The following DSCAM variants were observed in gnomAD, a reference collection of about 807,000 sequenced individuals.
DSCAM encodes cell adhesion molecule DSCAM.
Under a neutral mutation model 217.7 loss-of-function variants are expected in DSCAM, and 47 were observed. The ratio of observed to expected loss-of-function variants is 0.22; its 90% confidence interval spans 0.17 to 0.28. The LOEUF (loss-of-function observed/expected upper bound fraction) is 0.28, where lower values mean the gene tolerates loss of function less well. DSCAM is among the 10% of genes least tolerant of loss of function. The pLI is 1.00. For missense variants in DSCAM, 2,080 were observed against 2,618.3 expected (o/e 0.79, Z 4.49); for synonymous variants, 1,056 against 1,015.3 (o/e 1.04, Z -0.76).
intron 3 of DSCAM, among the ~76,000 whole-genome samples, chr21:40,449,389 A>T (rs1185060708): frequency 1.3e-5 from 2 of 152,184 alleles, no homozygotes; most frequent in Non-Finnish European, 2.9e-5. Flanking sequence ...CACCTGTAAG[A>T]GCTGTACATC....
chr21:40,403,629 G>GCGCGCACACACA (rs374617687), intron 3 of DSCAM, among the ~76,000 whole-genome samples: 1 of 145,788 alleles, frequency 6.9e-6, no homozygotes, highest in African/African-American at 2.6e-5. Context: ...GCATGCATGT[G>GCGCGCACACACA]CACACACACA....
intron 20 of DSCAM, among the ~76,000 whole-genome samples, chr21:40,118,961 C>T (rs112616853): frequency 0.018 from 2,769 of 152,222 alleles, 43 homozygotes; most frequent in Non-Finnish European, 0.029. Context: ...GATTCTGGCT[C>T]GTGATTTGTG....
chr21:40,394,375 A>C (rs2075160227), intron 3 of DSCAM, among the ~76,000 whole-genome samples: 2 of 152,232 alleles, frequency 1.3e-5, no homozygotes, highest in Non-Finnish European at 2.9e-5. Context: ...CTGACTCCCA[A>C]TGCCACATTC....
chr21:40,643,553 C>T (rs1424476101), intron 3 of DSCAM, among the ~76,000 whole-genome samples: 1 of 152,178 alleles, frequency 6.6e-6, no homozygotes, highest in Non-Finnish European at 1.5e-5. Flanking sequence ...AGAGGTTCAA[C>T]TAATTTGGGA....
chr21:40,169,610 C>T (rs964573105), intron 15 of DSCAM, among the ~76,000 whole-genome samples: 8 of 152,082 alleles, frequency 5.3e-5, no homozygotes, highest in East Asian at 1.9e-4. Context: ...TGCCAAGAAA[C>T]GAAGCCGATT....
chr21:40,819,618 T>C (rs1344707730), intron 1 of DSCAM, among the ~76,000 whole-genome samples: 1 of 152,236 alleles, frequency 6.6e-6, no homozygotes, highest in Non-Finnish European at 1.5e-5. Flanking sequence ...GGCCAAGCTG[T>C]TGTGATAAAT....
rs114107246 is a variant in DSCAM at position 40,107,674 on chromosome 21, C to T, written c.3697-13800G>A. On this transcript the variant is annotated intron_variant, in intron 20 of 32. Coordinates refer to ENST00000400454, the MANE Select transcript of DSCAM (RefSeq NM_001389.5). ...GGTCTCTAAGAACTTGCTTTATGAACCTGGGTGCTCCCGTGTTGGATGTAT... is the reference window on the plus strand; with the variant it reads ...GGTCTCTAAGAACTTGCTTTATGAATCTGGGTGCTCCCGTGTTGGATGTAT... 8.9e-3 allele frequency among the ~76,000 whole-genome samples: 1,353 copies of T among 152,130 alleles called. 19 individuals are homozygous for T. Among genetic ancestry groups the T allele is most frequent in the African/African-American group, 0.031 (1,286 of 41,482 alleles).
At chr21:40,220,625 T>C (rs1411670739) in intron 11 of DSCAM, among the ~76,000 whole-genome samples, 1 of 152,222 alleles carries the variant, frequency 6.6e-6, no homozygotes, top group Admixed American at 6.5e-5. Context: ...TAATCTTTAA[T>C]AAAAAGTCTC....
At chr21:40,493,863 C>A (rs968337248) in intron 3 of DSCAM, among the ~76,000 whole-genome samples, 40 of 125,390 alleles carry the variant, frequency 3.2e-4, no homozygotes, top group East Asian at 7.5e-4. Context: ...AACTCCATCT[C>A]AAAAAAAAAA....
At chr21:40,520,346 G>C (rs2076348977) in intron 3 of DSCAM, among the ~76,000 whole-genome samples, 1 of 152,156 alleles carries the variant, frequency 6.6e-6, no homozygotes, top group African/African-American at 2.4e-5. Flanking sequence ...GTTAAGAGGA[G>C]CAGGATTCAA....
intron 3 of DSCAM, among the ~76,000 whole-genome samples, chr21:40,409,563 CCT>C (rs1265158640): frequency 1.3e-5 from 2 of 152,098 alleles, no homozygotes; most frequent in African/African-American, 2.4e-5. Flanking sequence ...AGGGCCCACC[CCT>C]GTCTTTTATT....
At chr21:40,110,893 C>T (rs1350976363) in intron 20 of DSCAM, among the ~76,000 whole-genome samples, 2 of 152,300 alleles carry the variant, frequency 1.3e-5, no homozygotes, top group East Asian at 3.9e-4. Flanking sequence ...TGAACAAAGC[C>T]TCCAAGAAAT....
In DSCAM at chr21:40,846,646, G is replaced by C; in HGVS notation, c.16C>G (p.Leu6Val). The stretch of plus-strand genomic sequence containing the variant: ...TTCGCGAAGCTCTGGAACAAGGAGA[G>C]AGCCAGTATCCACATGCCCCTGCCG... MWILA[L>V]SLFQSFANVF... Residue 6 changes from leucine to valine, a missense_variant, in exon 1 of 33, where the codon CTC becomes GTC. By Grantham distance (32) the Leu-to-Val change is conservative. This residue lies in a region of DSCAM where 568 missense variants were observed against 678.1 expected (regional missense o/e 0.84). Transcript: ENST00000400454. 7.7e-7 allele frequency: 1 copy of C among 1,304,182 alleles called. No individual in the cohort carries two copies. The highest frequency in any genetic ancestry group is 9.8e-7 in the Non-Finnish European group (1 of 1,021,516). The allele number at this position is 1,304,182 out of a possible 1,614,324, so 80.8% of individuals were successfully genotyped here.
chr21:40,509,518 C>T (rs2076241635), intron 3 of DSCAM, among the ~76,000 whole-genome samples: 1 of 152,200 alleles, frequency 6.6e-6, no homozygotes, highest in Non-Finnish European at 1.5e-5. Context: ...GGGCCTGAGC[C>T]TGGTTTTCCA....
At chr21:40,776,914 A>AT (rs1181923868) in intron 1 of DSCAM, among the ~76,000 whole-genome samples, 1 of 152,240 alleles carries the variant, frequency 6.6e-6, no homozygotes, top group African/African-American at 2.4e-5. Context: ...AAGAGGGAAA[A>AT]TCATTATGGC....
intron 3 of DSCAM, among the ~76,000 whole-genome samples, chr21:40,676,680 C>G (rs1308026545): frequency 6.6e-6 from 1 of 151,982 alleles, no homozygotes. Context: ...ATGGAAAGTT[C>G]GAACACAGAA....
intron 28 of DSCAM, among the ~76,000 whole-genome samples, chr21:40,062,530 G>T (rs1046015890): frequency 6.6e-6 from 1 of 152,166 alleles, no homozygotes; most frequent in Non-Finnish European, 1.5e-5. Flanking sequence ...TTAGAAAGAA[G>T]GCTTGACCTC....
intron 3 of DSCAM, among the ~76,000 whole-genome samples, chr21:40,659,347 A>G (rs2090110717): frequency 7.0e-6 from 1 of 142,608 alleles, no homozygotes; most frequent in South Asian, 2.4e-4. Flanking sequence ...TTTGGTGATC[A>G]GATGAGTATC....
intron 6 of DSCAM, among the ~76,000 whole-genome samples, chr21:40,343,548 G>A (rs1706588786): frequency 6.6e-6 from 1 of 152,070 alleles, no homozygotes; most frequent in Non-Finnish European, 1.5e-5. Context: ...TAATCAATTG[G>A]ATTTGCTCCC....
Sources: allele counts gnomAD v4.1 joint callset (sites outside exome capture counted in the v4.1 genomes callset), GRCh38; gene constraint gnomAD v4.1.1; regional missense constraint gnomAD v4.1.1; transcripts MANE v1.5; gene names NCBI Gene and HGNC (gene_info 2026-07-23, HGNC 2026-07-21).